The following SP100 variants were observed in gnomAD, a reference collection of about 807,000 sequenced individuals.
The protein encoded by SP100 is nuclear autoantigen Sp-100.
A neutral mutation model predicts 130.0 loss-of-function variants in SP100; 84 were observed. That is an observed-to-expected ratio of 0.65 (90% confidence interval 0.54 to 0.77). The LOEUF (loss-of-function observed/expected upper bound fraction) is 0.77, where lower values mean the gene tolerates loss of function less well. Ranked by LOEUF, SP100 falls within the 30% of genes least tolerant of loss-of-function variation. SP100 has a pLI of 0.00. For synonymous variants in SP100, 331 were observed against 351.7 expected (o/e 0.94, Z 0.66); for missense variants, 978 against 1,052.2 (o/e 0.93, Z 0.97).
At chr2:230,503,173 G>A (rs2067132005) in intron 20 of SP100, 63 bp downstream of exon 20, 2 of 1,220,340 alleles carry the variant, frequency 1.6e-6, no homozygotes, top group Non-Finnish European at 1.2e-6. Context: ...ATTCTGTACT[G>A]TGAGTAACAA....
At chr2:230,481,860 C>T (rs184697204) in intron 17 of SP100, among the ~76,000 whole-genome samples, 74 of 152,222 alleles carry the variant, frequency 4.9e-4, no homozygotes, top group Admixed American at 1.5e-3. Flanking sequence ...TTCGTGTTGA[C>T]TCTACATAAG....
At chr2:230,524,907 T>C (rs942495077) in intron 24 of SP100, among the ~76,000 whole-genome samples, 1 of 152,212 alleles carries the variant, frequency 6.6e-6, no homozygotes, top group Non-Finnish European at 1.5e-5. Context: ...CAAGAAGATG[T>C]GTTTTTATTG....
intron 17 of SP100, among the ~76,000 whole-genome samples, chr2:230,491,211 G>A (rs1422032077): frequency 6.6e-6 from 1 of 152,164 alleles, no homozygotes; most frequent in Non-Finnish European, 1.5e-5. Context: ...GGTGTGCTTT[G>A]GGGGCGGGGT....
chr2:230,456,630 G>A (rs2064287504), intron 8 of SP100, among the ~76,000 whole-genome samples: 1 of 151,680 alleles, frequency 6.6e-6, no homozygotes, highest in Non-Finnish European at 1.5e-5. Flanking sequence ...TTCTCTGATT[G>A]TATTTCAAAT....
intron 8 of SP100, among the ~76,000 whole-genome samples, chr2:230,455,087 G>A (rs1296226660): frequency 1.3e-5 from 2 of 151,660 alleles, no homozygotes; most frequent in East Asian, 3.9e-4. Flanking sequence ...TTTAGTTTTT[G>A]TTTTGGAGAC....
chr2:230,485,567 C>G (rs1169695770), intron 17 of SP100, among the ~76,000 whole-genome samples: 1 of 152,080 alleles, frequency 6.6e-6, no homozygotes, highest in Admixed American at 6.6e-5. Context: ...GTGTTTCTAC[C>G]CATTTCTTAT....
intron 17 of SP100, among the ~76,000 whole-genome samples, chr2:230,488,730 AG>A (rs1405470500): frequency 1.3e-5 from 2 of 152,322 alleles, no homozygotes; most frequent in African/African-American, 4.8e-5. Context: ...TTTAACATGA[AG>A]GGATGTTGAA....
intron 8 of SP100, among the ~76,000 whole-genome samples, chr2:230,458,831 T>C (rs1178142029): frequency 6.6e-6 from 1 of 152,074 alleles, no homozygotes; most frequent in Non-Finnish European, 1.5e-5. Context: ...TGCGAAAGTA[T>C]TTTTGAAAAA....
At chr2:230,529,684 C>T (rs112365096) in intron 24 of SP100, among the ~76,000 whole-genome samples, 51 of 152,276 alleles carry the variant, frequency 3.3e-4, no homozygotes, top group East Asian at 2.3e-3. Context: ...AAAATCCCAT[C>T]GTCTCAGCCC....
At chr2:230,470,612 AT>A in intron 15 of SP100, 1 of 215,624 alleles carries the variant, frequency 4.6e-6, no homozygotes, top group South Asian at 1.7e-4. Context: ...GGCAAATAAT[AT>A]CTTATTTTGT....
intron 24 of SP100, among the ~76,000 whole-genome samples, chr2:230,519,890 C>T (rs981983369): frequency 1.3e-5 from 2 of 151,932 alleles, no homozygotes; most frequent in East Asian, 3.8e-4. Context: ...GTCCACTTAT[C>T]TAAGTACTTG....
chr2:230,471,685 C>T (rs769552583), intron 15 of SP100, among the ~76,000 whole-genome samples: 1 of 151,906 alleles, frequency 6.6e-6, no homozygotes, highest in Non-Finnish European at 1.5e-5. Flanking sequence ...GGGCTGCTTG[C>T]GACAGGTTTG....
At chr2:230,480,747 G>T (rs1249448568) in intron 17 of SP100, among the ~76,000 whole-genome samples, 1 of 152,226 alleles carries the variant, frequency 6.6e-6, no homozygotes, top group East Asian at 1.9e-4. Flanking sequence ...AAGAGATCGA[G>T]CTGGTGTGGC....
chr2:230,444,410 GA>G, intron 4 of SP100, 64 bp downstream of exon 4: 1 of 1,293,482 alleles, frequency 7.7e-7, no homozygotes, highest in Admixed American at 1.9e-5. Context: ...AGTATATACT[GA>G]TCTCCTACCA....
chr2:230,506,336 A>G lies in SP100; in HGVS notation c.1904A>G (p.Lys635Arg). ...AAGAAGTGTATACAGAGTGAGGATA[A>G]AAAGTGGTTCACTCCCAGGGAATTT... ...TSKKCIQSED[K>R]KWFTPREFEI... The change falls in exon 22 of 29, where the codon AAA becomes AGA. Residue 635 changes from lysine (K) to arginine (R), a missense_variant. Lys to Arg is a conservative substitution (Grantham distance 26, BLOSUM62 2). Transcript: ENST00000340126. 1 of 1,613,940 alleles carries G rather than the reference A, an allele frequency of 6.2e-7. No homozygotes were observed. Among genetic ancestry groups the G allele is most frequent in the Non-Finnish European group, 8.5e-7 (1 of 1,179,842 alleles).
intron 17 of SP100, among the ~76,000 whole-genome samples, chr2:230,479,554 A>G (rs1431875142): frequency 6.6e-6 from 1 of 152,180 alleles, no homozygotes; most frequent in African/African-American, 2.4e-5. Context: ...CCACAGCTGT[A>G]CTAAAGACTC....
At chr2:230,426,526 A>G (rs964751978) in intron 2 of SP100, among the ~76,000 whole-genome samples, 6 of 151,532 alleles carry the variant, frequency 4.0e-5, no homozygotes. Flanking sequence ...ATGTCCTTAC[A>G]TTATATATTC....
In SP100 at chr2:230,452,034, A is replaced by G. The variant is rs143789486; in HGVS notation, c.820+1779A>G. Among the ~76,000 whole-genome samples the G allele has an allele frequency of 4.5e-4, 68 of 152,346 alleles. No individual in the cohort carries two copies. In the East Asian group the frequency reaches 0.012, roughly 26 times the overall value. On this transcript the variant is annotated intron_variant, in intron 8 of 28. Transcript: ENST00000340126. ...CAAGCACCATGCTCTTTTGATTAACATAGCTTTGCTGTATATATTGAATCA... is the reference window on the plus strand; with the variant it reads ...CAAGCACCATGCTCTTTTGATTAACGTAGCTTTGCTGTATATATTGAATCA...
intron 24 of SP100, among the ~76,000 whole-genome samples, chr2:230,530,277 A>G (rs577196031): frequency 6.6e-6 from 1 of 152,314 alleles, no homozygotes; most frequent in East Asian, 1.9e-4. Context: ...ATAACATCAC[A>G]CATCTACAAC....
Sources: gnomAD v4.1 joint callset for allele counts (sites outside exome capture counted in the v4.1 genomes callset) on GRCh38, gnomAD v4.1.1 for gene constraint, MANE v1.5 for transcripts, NCBI Gene and HGNC (gene_info 2026-07-23, HGNC 2026-07-21) for gene names.